Variants in ZNF680 observed in about 807,000 individuals in gnomAD.
ZNF680 encodes the protein hypothetical protein FLJ90430.
A neutral mutation model predicts 12.1 loss-of-function variants in ZNF680; 6 were observed. That is an observed-to-expected ratio of 0.49 (90% confidence interval 0.27 to 0.98). The LOEUF (loss-of-function observed/expected upper bound fraction) is 0.98. Among genes scored for constraint, ZNF680 ranks in the 50% least tolerant of loss-of-function variants. The pLI, the probability that ZNF680 is intolerant of heterozygous loss-of-function variation, is 0.12. For missense variants in ZNF680, 561 were observed against 616.3 expected (o/e 0.91, Z 0.95); for synonymous variants, 170 against 199.3 (o/e 0.85, Z 1.24).
Position 64,520,141 on chromosome 7 carries a change from T to G in ZNF680, c.*1020A>C, listed in dbSNP as rs1791452155. 2 of 151,724 alleles carry G rather than the reference T, an allele frequency of 1.3e-5. No individual in the cohort carries two copies. Among genetic ancestry groups the G allele is most frequent in the African/African-American group, 4.8e-5 (2 of 41,416 alleles). 9.4% of individuals were successfully genotyped at this position (151,724 alleles called of 1,614,324 possible). A position where few individuals can be genotyped will look rare whatever the true frequency, so the allele number is the denominator to read the frequency against. On this transcript the variant is annotated 3_prime_UTR_variant, in exon 4 of 4. Transcript: ENST00000309683. ...TTAGATTTTCATCATAAACCTTACA[T>G]TTTAATGCCCATACTCTTCCACAGA...
chr7:64,539,942 T>C (rs1786411691), intron 3 of ZNF680, among the ~76,000 whole-genome samples: 1 of 152,164 alleles, frequency 6.6e-6, no homozygotes, highest in Non-Finnish European at 1.5e-5. Context: ...GCCACCACCA[T>C]GCCTGGCCCT....
chr7:64,528,298 C>A lies in ZNF680; in HGVS notation c.254-5798G>T, dbSNP rs565740880. Among the ~76,000 whole-genome samples the A allele has an allele frequency of 2.6e-5, 4 of 152,288 alleles. No individual in the cohort carries two copies. The South Asian group carries it at 8.3e-4, about 32-fold the overall frequency. ...ACAATTTGAACCAGCTGAGAAGCCTCCGGGCCAGAACTCGGCAAAGGGCGA... is the reference window on the plus strand; with the variant it reads ...ACAATTTGAACCAGCTGAGAAGCCTACGGGCCAGAACTCGGCAAAGGGCGA... On this transcript the variant is annotated intron_variant, in intron 3 of 3. Coordinates refer to ENST00000309683, the MANE Select transcript of ZNF680 (RefSeq NM_178558.5).
At chr7:64,537,478 T>C (rs76839068) in intron 3 of ZNF680, among the ~76,000 whole-genome samples, 2 of 152,192 alleles carry the variant, frequency 1.3e-5, no homozygotes, top group Non-Finnish European at 2.9e-5. Context: ...CAGTTTTTTT[T>C]ACAGAAATGT....
chr7:64,525,587 A>C (rs1362984656), intron 3 of ZNF680: 1 of 266,214 alleles, frequency 3.8e-6, no homozygotes, highest in Non-Finnish European at 5.8e-6. Flanking sequence ...TTAGCTTTGC[A>C]AGATAAAAAC....
chr7:64,513,426 A>T, the ZNF680 span, among the ~76,000 whole-genome samples: 1 of 152,104 alleles, frequency 6.6e-6, no homozygotes, highest in Non-Finnish European at 1.5e-5. Context: ...AGGATATTAT[A>T]TAGTTTTTCA....
intron 3 of ZNF680, among the ~76,000 whole-genome samples, chr7:64,539,654 T>G (rs917371816): frequency 2.0e-5 from 3 of 152,142 alleles, no homozygotes; most frequent in African/African-American, 7.2e-5. Flanking sequence ...ATGCTCGAAA[T>G]GTACAACTTT....
At chr7:64,514,482 G>C in the ZNF680 span, among the ~76,000 whole-genome samples, 2 of 152,006 alleles carry the variant, frequency 1.3e-5, no homozygotes, top group Non-Finnish European at 2.9e-5. Context: ...TTTACAATTA[G>C]CTGTAAAACT....
chr7:64,563,032 A>C lies in ZNF680; in HGVS notation c.-78T>G. The C allele has an allele frequency of 6.5e-7, 1 of 1,546,128 alleles. No individual in the cohort carries two copies. The highest frequency in any genetic ancestry group is 8.9e-7 in the Non-Finnish European group (1 of 1,121,386). On this transcript the variant is annotated 5_prime_UTR_variant, in exon 1 of 4. Coordinates refer to ENST00000309683, the MANE Select transcript of ZNF680 (RefSeq NM_178558.5). ...CCTCTAGGAGCAGAATACACAGAGC[A>C]GTAAAGACTAGACCTGGAGCTCCCG...
At chr7:64,530,281 C>T (rs1166546538) in intron 3 of ZNF680, among the ~76,000 whole-genome samples, 1 of 152,112 alleles carries the variant, frequency 6.6e-6, no homozygotes, top group East Asian at 1.9e-4. Flanking sequence ...CCAAGGTACA[C>T]AGGCAACAAA....
intron 3 of ZNF680, among the ~76,000 whole-genome samples, chr7:64,537,427 T>TA (rs1010666102): frequency 1.1e-4 from 16 of 152,236 alleles, no homozygotes; most frequent in Middle Eastern, 3.4e-3. Flanking sequence ...CCTAAAGTGG[T>TA]AAAAAAATTC....
At chr7:64,536,942 TG>T (rs1251348250) in intron 3 of ZNF680, among the ~76,000 whole-genome samples, 1 of 152,036 alleles carries the variant, frequency 6.6e-6, no homozygotes, top group East Asian at 1.9e-4. Flanking sequence ...TGATAGTGCA[TG>T]TCTGTAGTTT....
the ZNF680 span, among the ~76,000 whole-genome samples, chr7:64,508,140 T>TATATATATATATATATATATAC: frequency 1.5e-5 from 2 of 134,824 alleles, no homozygotes; most frequent in African/African-American, 5.9e-5. Context: ...TATATATATA[T>TATATATATATATATATATATAC]ATACATAATT....
At chr7:64,562,212 A>G (rs1011432832) in intron 1 of ZNF680, among the ~76,000 whole-genome samples, 5 of 150,032 alleles carry the variant, frequency 3.3e-5, no homozygotes, top group Admixed American at 1.3e-4. Context: ...AGCCTGGGCG[A>G]CAGAGCGAGA....
intron 1 of ZNF680, among the ~76,000 whole-genome samples, chr7:64,559,374 T>C (rs928974639): frequency 6.6e-6 from 1 of 152,134 alleles, no homozygotes; most frequent in Admixed American, 6.6e-5. Flanking sequence ...GGATATGCTT[T>C]GGTCAGAAAC....
chr7:64,501,179 C>T, the ZNF680 span: 36 of 868,244 alleles, frequency 4.1e-5, no homozygotes, highest in African/African-American at 3.3e-4. Context: ...CTATTCAGCT[C>T]CTCTCTTGAC....
chr7:64,559,683 T>G (rs558301905), intron 1 of ZNF680, among the ~76,000 whole-genome samples: 2 of 152,092 alleles, frequency 1.3e-5, no homozygotes, highest in Non-Finnish European at 2.9e-5. Flanking sequence ...GGTTTCACCA[T>G]GTTGTCCAGG....
intron 3 of ZNF680, among the ~76,000 whole-genome samples, chr7:64,533,586 T>C (rs1472312354): frequency 3.9e-5 from 6 of 152,092 alleles, no homozygotes; most frequent in African/African-American, 1.2e-4. Context: ...AAAATGACCA[T>C]ACTGCAAAAA....
rs6965883 is a variant in ZNF680 at position 64,563,059 on chromosome 7, A to C, written c.-105T>G. The C allele has an allele frequency of 6.6e-6, 9 of 1,371,170 alleles. No homozygotes were observed. The highest frequency in any genetic ancestry group is 9.2e-6 in the Non-Finnish European group (9 of 974,408). 84.9% of individuals were successfully genotyped at this position (1,371,170 alleles called of 1,614,324 possible). The stretch of plus-strand genomic sequence containing the variant: ...TAAAGACTAGACCTGGAGCTCCCGC[A>C]GCAGCTAGAGACAAAGGCCCCGCCA... On this transcript the variant is annotated 5_prime_UTR_variant, in exon 1 of 4. Coordinates refer to ENST00000309683, the MANE Select transcript of ZNF680 (RefSeq NM_178558.5).
chr7:64,523,426 A>T (rs1791652005), intron 3 of ZNF680, among the ~76,000 whole-genome samples: 1 of 152,054 alleles, frequency 6.6e-6, no homozygotes, highest in Middle Eastern at 3.2e-3. Context: ...AGGAAGTGAA[A>T]GCATTTCAAT....
Sources: gnomAD v4.1 joint callset for allele counts (sites outside exome capture counted in the v4.1 genomes callset) on GRCh38, gnomAD v4.1.1 for gene constraint, MANE v1.5 for transcripts, NCBI Gene and HGNC (gene_info 2026-07-23, HGNC 2026-07-21) for gene names.